The following RBFOX1 variants were observed in gnomAD, a reference collection of about 807,000 sequenced individuals.
RBFOX1 encodes the protein RNA binding protein fox-1 homolog 1.
RBFOX1 carries 8 observed loss-of-function variants against 57.7 expected under a neutral mutation model. The observed-to-expected ratio is 0.14, with a 90% confidence interval of 0.08 to 0.25. The LOEUF (loss-of-function observed/expected upper bound fraction) is 0.25, where lower values mean the gene tolerates loss of function less well. Among genes scored for constraint, RBFOX1 ranks in the 10% least tolerant of loss-of-function variants. RBFOX1 has a pLI of 1.00. For missense variants in RBFOX1, 611 were observed against 548.5 expected, an observed-to-expected ratio of 1.11 and a Z score of -1.14; for synonymous variants, 326 against 222.4, an observed-to-expected ratio of 1.47 and a Z score of -4.15.
At chr16:7,353,118 C>G (rs769945569) in intron 4 of RBFOX1, among the ~76,000 whole-genome samples, 2 of 152,250 alleles carry the variant, frequency 1.3e-5, no homozygotes, top group South Asian at 4.1e-4. Flanking sequence ...GTTTTTAGCA[C>G]CACTACTACT....
intron 1 of RBFOX1, among the ~76,000 whole-genome samples, chr16:5,442,956 C>G (rs1291415164): frequency 6.6e-6 from 1 of 152,132 alleles, no homozygotes; most frequent in Admixed American, 6.5e-5. Flanking sequence ...AAGACACAGA[C>G]ACAGGGGGAC....
chr16:5,916,203 A>AT (rs397951930), intron 4 of RBFOX1, among the ~76,000 whole-genome samples: 1 of 151,802 alleles, frequency 6.6e-6, no homozygotes. Flanking sequence ...TAGCAAAAAA[A>AT]CCCAGATGAA....
intron 4 of RBFOX1, among the ~76,000 whole-genome samples, chr16:5,941,862 A>G (rs891214542): frequency 1.3e-5 from 2 of 152,008 alleles, no homozygotes; most frequent in African/African-American, 4.8e-5. Flanking sequence ...GACGCAGTAC[A>G]TCCCCTTTTC....
intron 4 of RBFOX1, among the ~76,000 whole-genome samples, chr16:7,203,378 G>A (rs1395924523): frequency 3.3e-5 from 5 of 152,184 alleles, no homozygotes; most frequent in Non-Finnish European, 7.3e-5. Flanking sequence ...TGGTGGAGAG[G>A]AAGGTAGGGG....
At chr16:6,042,766 T>C (rs2095452106) in intron 1 of RBFOX1, among the ~76,000 whole-genome samples, 1 of 152,102 alleles carries the variant, frequency 6.6e-6, no homozygotes, top group African/African-American at 2.4e-5. Context: ...AATCAGTACA[T>C]GAAAGGTATA....
At chr16:5,699,933 A>G (rs892355415) in intron 3 of RBFOX1, among the ~76,000 whole-genome samples, 25 of 152,144 alleles carry the variant, frequency 1.6e-4, no homozygotes, top group African/African-American at 6.0e-4. Flanking sequence ...TCCCGGGTTC[A>G]CGCCATTCTC....
intron 10 of RBFOX1, among the ~76,000 whole-genome samples, chr16:7,608,106 C>T (rs2056705893): frequency 6.6e-6 from 1 of 152,214 alleles, no homozygotes; most frequent in South Asian, 2.1e-4. Flanking sequence ...AGGTTTGCCA[C>T]ATGGCTATTT....
chr16:7,585,251 T>G (rs1199636256), intron 6 of RBFOX1, among the ~76,000 whole-genome samples: 1 of 152,218 alleles, frequency 6.6e-6, no homozygotes, highest in Non-Finnish European at 1.5e-5. Context: ...CACGTTTGAA[T>G]GGCAAATCCT....
intron 2 of RBFOX1, among the ~76,000 whole-genome samples, chr16:5,473,868 G>T (rs2069226060): frequency 7.4e-6 from 1 of 135,416 alleles, no homozygotes; most frequent in Non-Finnish European, 1.5e-5. Flanking sequence ...TAGATGGATG[G>T]AAAGACAGAT....
intron 4 of RBFOX1, among the ~76,000 whole-genome samples, chr16:7,172,985 T>G (rs944863351): frequency 6.6e-6 from 1 of 152,102 alleles, no homozygotes; most frequent in East Asian, 1.9e-4. Flanking sequence ...GTAAAAGAAT[T>G]GCAAAACAAA....
chr16:5,408,227 A>G (rs1044542794), intron 1 of RBFOX1, among the ~76,000 whole-genome samples: 2 of 152,192 alleles, frequency 1.3e-5, no homozygotes, highest in Admixed American at 6.5e-5. Context: ...GCAAAACCTC[A>G]GCTTAGAGAA....
intron 1 of RBFOX1, among the ~76,000 whole-genome samples, chr16:6,133,431 A>G (rs546958703): frequency 6.6e-6 from 1 of 152,284 alleles, no homozygotes; most frequent in Non-Finnish European, 1.5e-5. Context: ...AAATGCTTCT[A>G]CCACTTACAT....
intron 10 of RBFOX1, among the ~76,000 whole-genome samples, chr16:7,619,913 C>G (rs550921781): frequency 6.6e-6 from 1 of 152,264 alleles, no homozygotes; most frequent in South Asian, 2.1e-4. Flanking sequence ...GTGGCTCTGC[C>G]GGACAGGAAT....
At chr16:6,576,354 G>A (rs1038514846) in intron 2 of RBFOX1, among the ~76,000 whole-genome samples, 1 of 152,132 alleles carries the variant, frequency 6.6e-6, no homozygotes, top group Non-Finnish European at 1.5e-5. Context: ...GGAGGAAACC[G>A]GAGTACCCGG....
chr16:7,450,132 A>G (rs2098840142), intron 4 of RBFOX1, among the ~76,000 whole-genome samples: 1 of 152,186 alleles, frequency 6.6e-6, no homozygotes, highest in African/African-American at 2.4e-5. Context: ...GCGGTGGCTC[A>G]TGCCTGTAAT....
At chr16:7,277,377 T>C (rs2095460976) in intron 4 of RBFOX1, among the ~76,000 whole-genome samples, 1 of 152,188 alleles carries the variant, frequency 6.6e-6, no homozygotes, top group Non-Finnish European at 1.5e-5. Flanking sequence ...CTTTCCTGAA[T>C]TGCCTACCTC....
chr16:5,293,039 G>C (rs1213567216), intron 1 of RBFOX1, among the ~76,000 whole-genome samples: 1 of 152,120 alleles, frequency 6.6e-6, no homozygotes, highest in African/African-American at 2.4e-5. Flanking sequence ...AGAATTTGGA[G>C]GCTGGGCACT....
At chr16:5,992,115 T>C (rs1486429101) in intron 4 of RBFOX1, among the ~76,000 whole-genome samples, 6 of 152,090 alleles carry the variant, frequency 3.9e-5, no homozygotes, top group African/African-American at 1.2e-4. Context: ...TCTTTGGGAA[T>C]TGAATTAGAC....
intron 4 of RBFOX1, among the ~76,000 whole-genome samples, chr16:5,887,586 T>A (rs1401890691): frequency 1.3e-5 from 2 of 152,010 alleles, no homozygotes; most frequent in African/African-American, 4.8e-5. Flanking sequence ...TTCTTTTAAG[T>A]AGAGATGAGG....
Sources: allele counts gnomAD v4.1 joint callset (sites outside exome capture counted in the v4.1 genomes callset), GRCh38; gene constraint gnomAD v4.1.1; transcripts MANE v1.5; gene names NCBI Gene and HGNC (gene_info 2026-07-23, HGNC 2026-07-21).